SEZ6L: variants seen among roughly 807,000 people sequenced by gnomAD.
SEZ6L encodes seizure 6-like protein.
In SEZ6L, 37 loss-of-function variants were observed where a neutral mutation model predicts 106.2. The ratio of observed to expected loss-of-function variants is 0.35; its 90% CI spans 0.27 to 0.46. The LOEUF (loss-of-function observed/expected upper bound fraction) is 0.46, where lower values mean the gene tolerates loss of function less well. SEZ6L is among the 20% of genes least tolerant of loss of function. SEZ6L has a pLI of 1.00. For missense variants in SEZ6L, 1,172 were observed against 1,332.8 expected, an observed-to-expected ratio of 0.88 and a Z score of 1.88; for synonymous variants, 541 against 570.4, an observed-to-expected ratio of 0.95 and a Z score of 0.73.
At chr22:26,254,858 A>G (rs558657785) in intron 1 of SEZ6L, among the ~76,000 whole-genome samples, 171 of 152,182 alleles carry the variant, frequency 1.1e-3, no homozygotes, top group African/African-American at 3.9e-3. Flanking sequence ...AAGATCGTGG[A>G]TAGAGGGATA....
chr22:26,207,910 AT>A (rs134772), intron 1 of SEZ6L, among the ~76,000 whole-genome samples: 22,628 of 138,266 alleles, frequency 0.16, 2,429 homozygotes, highest in African/African-American at 0.34. Flanking sequence ...ATTCATGTGT[AT>A]TTTTTTTTTT....
intron 12 of SEZ6L, among the ~76,000 whole-genome samples, chr22:26,357,203 T>C (rs1601603443): frequency 6.6e-6 from 1 of 152,102 alleles, no homozygotes; most frequent in African/African-American, 2.4e-5. Flanking sequence ...CCTTGACCTC[T>C]CAAAGTGCTG....
Position 26,313,891 on chromosome 22 carries a change from A to G in SEZ6L, c.2004A>G (p.Leu668=). The change falls in exon 9 of 17, where the codon TTA becomes TTG. Residue 668 remains leucine (L), a synonymous_variant. Transcript: ENST00000248933. ...TGGGAGAAGAGAAACGGATCTTCTT[A>G]GATATCCAGTTGTGAGTGTTTAAAA... ...IHVGEEKRIF[L]DIQFLNLSNS... is the part of the protein sequence containing the mutation. The G allele has an allele frequency of 6.2e-7, 1 of 1,604,488 alleles. No individual in the cohort carries two copies. Among genetic ancestry groups the G allele is most frequent in the African/African-American group, 1.3e-5 (1 of 74,922 alleles).
At chr22:26,179,788 C>G (rs1298336672) in intron 1 of SEZ6L, among the ~76,000 whole-genome samples, 1 of 152,196 alleles carries the variant, frequency 6.6e-6, no homozygotes, top group Non-Finnish European at 1.5e-5. Flanking sequence ...TATTGCCTAA[C>G]TCCTCTGCTC....
At chr22:26,192,703 T>A (rs576667762) in intron 1 of SEZ6L, among the ~76,000 whole-genome samples, 1 of 152,358 alleles carries the variant, frequency 6.6e-6, no homozygotes, top group Admixed American at 6.5e-5. Context: ...TTAAAAAGCT[T>A]GTAGGCCTCA....
chr22:26,305,002 A>G (rs1222958819), intron 5 of SEZ6L, among the ~76,000 whole-genome samples: 1 of 152,234 alleles, frequency 6.6e-6, no homozygotes, highest in African/African-American at 2.4e-5. Context: ...GGTACAGCCT[A>G]TTGCTTCTCC....
chr22:26,298,054 AAAC>A (rs762015119), intron 4 of SEZ6L, among the ~76,000 whole-genome samples: 3 of 152,280 alleles, frequency 2.0e-5, no homozygotes, highest in Non-Finnish European at 2.9e-5. Flanking sequence ...AGACATTTGA[AAAC>A]AACAACAACT....
At chr22:26,193,182 T>C (rs1403333885) in intron 1 of SEZ6L, among the ~76,000 whole-genome samples, 1 of 152,216 alleles carries the variant, frequency 6.6e-6, no homozygotes, top group Non-Finnish European at 1.5e-5. Flanking sequence ...CAGCAGGGAA[T>C]TGTGAGCAGT....
In SEZ6L at chr22:26,351,513, T is replaced by TTTTG. The variant is rs1184191772; in HGVS notation, c.2599+301_2599+304dup. 306 of 321,542 alleles carry TTTTG rather than the reference T, an allele frequency of 9.5e-4. 3 individuals carry two copies. The highest frequency in any genetic ancestry group is 2.2e-3 in the Admixed American group (45 of 20,080). 19.9% of individuals were successfully genotyped at this position (321,542 alleles called of 1,614,324 possible). A position where few individuals can be genotyped will look rare whatever the true frequency, so the allele number is the denominator to read the frequency against. On this transcript the variant is annotated intron_variant, in intron 12 of 16. Coordinates refer to ENST00000248933, the MANE Select transcript of SEZ6L (RefSeq NM_021115.5). The stretch of plus-strand genomic sequence containing the variant: ...CCTGGGAGCATAGTATACTTTGTTT[T>TTTTG]TTTGTTTGTTTGTTTGTTTGTTTGT...
chr22:26,303,677 C>A (rs1362284765), intron 5 of SEZ6L, among the ~76,000 whole-genome samples: 1 of 152,172 alleles, frequency 6.6e-6, no homozygotes, highest in Admixed American at 6.5e-5. Context: ...ATTTACTGAG[C>A]ACATTCTACA....
intron 1 of SEZ6L, among the ~76,000 whole-genome samples, chr22:26,188,111 C>A (rs761239507): frequency 6.6e-6 from 1 of 152,170 alleles, no homozygotes; most frequent in Non-Finnish European, 1.5e-5. Flanking sequence ...CCTTCTTCAC[C>A]TGCATAACCA....
At chr22:26,312,261 C>T (rs1218461171) in intron 8 of SEZ6L, among the ~76,000 whole-genome samples, 1 of 152,262 alleles carries the variant, frequency 6.6e-6, no homozygotes, top group Non-Finnish European at 1.5e-5. Context: ...GCTACGCATG[C>T]TTGTGCAGTG....
intron 7 of SEZ6L, 134 bp downstream of exon 7, chr22:26,310,970 C>T (rs2081810159): frequency 2.4e-6 from 2 of 836,294 alleles, no homozygotes; most frequent in South Asian, 3.4e-5. Context: ...CCTTTGGTTT[C>T]CAAAGACAGG....
chr22:26,357,043 C>T (rs1378538229), intron 12 of SEZ6L, among the ~76,000 whole-genome samples: 1 of 152,000 alleles, frequency 6.6e-6, no homozygotes, highest in African/African-American at 2.4e-5. Flanking sequence ...GCTCCACCTC[C>T]CGGGTTCACG....
intron 1 of SEZ6L, among the ~76,000 whole-genome samples, chr22:26,182,554 T>C (rs528052353): frequency 6.6e-6 from 1 of 152,234 alleles, no homozygotes; most frequent in East Asian, 1.9e-4. Context: ...GTACCCAATA[T>C]AGATACTACT....
At chr22:26,219,254 G>GGGTTT (rs751642128) in intron 1 of SEZ6L, among the ~76,000 whole-genome samples, 2 of 135,084 alleles carry the variant, frequency 1.5e-5, no homozygotes, top group Non-Finnish European at 1.6e-5. Context: ...AGAAATACAA[G>GGGTTT]TTTTTTTTTT....
intron 6 of SEZ6L, among the ~76,000 whole-genome samples, chr22:26,308,713 T>C (rs1187548780): frequency 6.6e-6 from 1 of 152,210 alleles, no homozygotes; most frequent in African/African-American, 2.4e-5. Context: ...TGCAAATCCA[T>C]TTGACCATAG....
intron 1 of SEZ6L, among the ~76,000 whole-genome samples, chr22:26,195,251 AAG>A (rs1176844443): frequency 6.6e-6 from 1 of 152,198 alleles, no homozygotes; most frequent in Non-Finnish European, 1.5e-5. Flanking sequence ...TGATAAAGCA[AAG>A]AGGGGGTGAT....
chr22:26,317,334 G>A (rs1054733654), intron 9 of SEZ6L, among the ~76,000 whole-genome samples: 8 of 151,806 alleles, frequency 5.3e-5, no homozygotes, highest in African/African-American at 1.9e-4. Context: ...GAGAAGGTAC[G>A]ACCTACTCCT....
Sources: allele counts gnomAD v4.1 joint callset (sites outside exome capture counted in the v4.1 genomes callset), GRCh38; gene constraint gnomAD v4.1.1; transcripts MANE v1.5; gene names NCBI Gene and HGNC (gene_info 2026-07-23, HGNC 2026-07-21).